GPR89B: variants seen among roughly 807,000 people sequenced by gnomAD.
GPR89B encodes the protein G protein-coupled receptor 89B.
A neutral mutation model predicts 52.4 loss-of-function variants in GPR89B; 25 were observed. The ratio of observed to expected loss-of-function variants is 0.48; its 90% CI spans 0.35 to 0.67. The LOEUF is 0.67. Ranked by LOEUF, GPR89B falls within the 30% of genes least tolerant of loss-of-function variation. The pLI is 0.01. For missense variants in GPR89B, 146 were observed against 450.2 expected (o/e 0.32, Z 6.11); for synonymous variants, 52 against 151.2 (o/e 0.34, Z 4.81).
chr1:147,965,880 T>C (rs1475798157), intron 7 of GPR89B, among the ~76,000 whole-genome samples: 1 of 151,976 alleles, frequency 6.6e-6, no homozygotes, highest in Non-Finnish European at 1.5e-5. Flanking sequence ...GGAGTCTCAC[T>C]CTGTCACCTG....
At chr1:147,979,112 G>T (rs2149086197) in intron 10 of GPR89B, among the ~76,000 whole-genome samples, 1 of 151,856 alleles carries the variant, frequency 6.6e-6, no homozygotes, top group South Asian at 2.1e-4. Flanking sequence ...CCCTTGCCCT[G>T]TGCGGCTCCC....
At chr1:147,978,724 C>T (rs1266277367) in intron 10 of GPR89B, among the ~76,000 whole-genome samples, 3 of 151,860 alleles carry the variant, frequency 2.0e-5, no homozygotes, top group African/African-American at 7.3e-5. Flanking sequence ...GGAATGGATC[C>T]GAGTCCCACC....
the GPR89B span, among the ~76,000 whole-genome samples, chr1:148,006,842 G>C: frequency 4.0e-5 from 6 of 151,532 alleles, 1 homozygote; most frequent in Admixed American, 3.9e-4. Flanking sequence ...TCAGCCTCTC[G>C]AGTAGCTGGG....
At chr1:148,020,828 C>T in the GPR89B span, among the ~76,000 whole-genome samples, 4 of 151,908 alleles carry the variant, frequency 2.6e-5, no homozygotes, top group East Asian at 3.9e-4. Flanking sequence ...GCTGCGATTA[C>T]AGGCACGTGT....
At chr1:147,991,369 A>C (rs1183177529) in intron 12 of GPR89B, among the ~76,000 whole-genome samples, 1 of 152,128 alleles carries the variant, frequency 6.6e-6, no homozygotes, top group South Asian at 2.1e-4. Flanking sequence ...GGGGTTTTCT[A>C]TATATACAGT....
chr1:148,001,849 G>C, the GPR89B span, among the ~76,000 whole-genome samples: 1 of 151,750 alleles, frequency 6.6e-6, no homozygotes, highest in African/African-American at 2.4e-5. Flanking sequence ...GGGCATACTT[G>C]TAGCCACGCG....
chr1:147,995,632 C>T, downstream of GPR89B: 2 of 1,608,880 alleles, frequency 1.2e-6, no homozygotes, highest in South Asian at 2.2e-5. Context: ...GCTTTGACTC[C>T]ACCACTATTC....
At chr1:148,004,444 C>T in the GPR89B span, among the ~76,000 whole-genome samples, 266 of 147,042 alleles carry the variant, frequency 1.8e-3, no homozygotes, top group African/African-American at 5.7e-3. Context: ...GGATTACAGG[C>T]GTGAGCCACC....
In GPR89B at chr1:147,929,666, C is replaced by T. The variant is rs1553246743; in HGVS notation, c.42+1088C>T. The stretch of plus-strand genomic sequence containing the variant: ...CTTTGATTCAGTTTTTGTATTGCTT[C>T]ATCCTAATACTCGTCTCCGTAGAGC... On this transcript the variant is annotated intron_variant, in intron 1 of 13. Coordinates refer to ENST00000314163, the MANE Select transcript of GPR89B (RefSeq NM_016334.5). 5.3e-5 allele frequency among the ~76,000 whole-genome samples: 8 copies of T among 152,274 alleles called. No individual in the cohort carries two copies. In the South Asian group the frequency reaches 1.2e-3, roughly 24 times the overall value.
intron 1 of GPR89B, among the ~76,000 whole-genome samples, chr1:147,932,788 G>A (rs587666538): frequency 1.3e-5 from 2 of 152,154 alleles, no homozygotes; most frequent in South Asian, 4.1e-4. Context: ...TTTGATCTTA[G>A]AGTAGCGTAT....
chr1:147,991,287 C>T (rs1206189680), intron 12 of GPR89B, among the ~76,000 whole-genome samples: 6 of 151,914 alleles, frequency 3.9e-5, no homozygotes, highest in Non-Finnish European at 2.9e-5. Context: ...GTGATTTTTG[C>T]ACATTGATTT....
chr1:147,938,212 G>T (rs782712067), intron 2 of GPR89B, among the ~76,000 whole-genome samples: 1 of 152,112 alleles, frequency 6.6e-6, no homozygotes, highest in Non-Finnish European at 1.5e-5. Context: ...AAGATCAGTT[G>T]TTATAGTCTA....
chr1:147,997,658 CTAAT>C, downstream of GPR89B, among the ~76,000 whole-genome samples: 1 of 152,256 alleles, frequency 6.6e-6, no homozygotes, highest in South Asian at 2.1e-4. Context: ...GCCAATTCCC[CTAAT>C]TAATCTCCTC....
At chr1:147,978,212 T>TGTTTGTTTTTAACAGTCAGGCCC (rs1657980057) in intron 10 of GPR89B, among the ~76,000 whole-genome samples, 2 of 151,960 alleles carry the variant, frequency 1.3e-5, no homozygotes, top group Non-Finnish European at 2.9e-5. Context: ...GTTGTTGCTT[T>TGTTTGTTTTTAACAGTCAGGCCC]CTGTTTGTTT....
At chr1:147,944,864 A>C (rs1470781022) in intron 5 of GPR89B, among the ~76,000 whole-genome samples, 3 of 151,292 alleles carry the variant, frequency 2.0e-5, no homozygotes, top group African/African-American at 7.3e-5. Context: ...TAATAAATAT[A>C]CTACAGGTTT....
At chr1:147,950,598 T>C (rs1553250881) in intron 5 of GPR89B, among the ~76,000 whole-genome samples, 1 of 151,732 alleles carries the variant, frequency 6.6e-6, no homozygotes, top group Admixed American at 6.6e-5. Context: ...GAGGTGGAGG[T>C]TGTAGTGAGC....
intron 5 of GPR89B, among the ~76,000 whole-genome samples, chr1:147,944,884 A>C (rs868933740): frequency 2.0e-5 from 3 of 151,586 alleles, no homozygotes; most frequent in African/African-American, 7.3e-5. Context: ...TCATGCTGGA[A>C]CCTTTTTAAA....
downstream of GPR89B, among the ~76,000 whole-genome samples, chr1:147,997,659 T>C (rs1165336184): frequency 2.0e-5 from 3 of 152,284 alleles, no homozygotes; most frequent in East Asian, 5.8e-4. Context: ...CCAATTCCCC[T>C]AATTAATCTC....
rs1176400328 is a variant in GPR89B at position 147,980,818 on chromosome 1, C to CAAAAAAAA, written c.910-5360_910-5353dup. ...TGGGCGACAGAGCGAGACTCCGTCT[C>CAAAAAAAA]AAAAAAAAAAAAAAAAAAAAAAAAA... On this transcript the variant is annotated intron_variant, in intron 10 of 13. Coordinates refer to ENST00000314163, the MANE Select transcript of GPR89B (RefSeq NM_016334.5). 3.5e-4 allele frequency among the ~76,000 whole-genome samples: 8 copies of CAAAAAAAA among 22,568 alleles called. 1 individual carries two copies. Among genetic ancestry groups the CAAAAAAAA allele is most frequent in the African/African-American group, 1.2e-3 (7 of 5,952 alleles). The allele number at this position is 22,568 out of a possible 152,430, so 14.8% of individuals were successfully genotyped here. A position where few individuals can be genotyped will look rare whatever the true frequency, so the allele number is the denominator to read the frequency against.
Sources: allele counts gnomAD v4.1 joint callset (sites outside exome capture counted in the v4.1 genomes callset), GRCh38; gene constraint gnomAD v4.1.1; transcripts MANE v1.5; gene names NCBI Gene and HGNC (gene_info 2026-07-23, HGNC 2026-07-21).